MGAT4C: variants seen among roughly 807,000 people sequenced by gnomAD.
The protein encoded by MGAT4C is MGAT4 family member C, also known as alpha-1,3-mannosyl-glycoprotein 4-beta-N-acetylglucosaminyltransferase C.
In MGAT4C, 19 loss-of-function variants were observed where a neutral mutation model predicts 40.1. The observed-to-expected ratio is 0.47, with a 90% CI of 0.33 to 0.70. The LOEUF is 0.70. Ranked by LOEUF, MGAT4C falls within the 30% of genes least tolerant of loss-of-function variation. The pLI is 0.02. For synonymous variants in MGAT4C, 181 were observed against 187.1 expected, an observed-to-expected ratio of 0.97 and a Z score of 0.27; for missense variants, 491 against 563.2, an observed-to-expected ratio of 0.87 and a Z score of 1.30.
chr12:86,363,952 TCA>T (rs1955536527), intron 3 of MGAT4C, among the ~76,000 whole-genome samples: 4 of 113,858 alleles, frequency 3.5e-5, no homozygotes, highest in Admixed American at 1.0e-4. Flanking sequence ...AATCTCTTTC[TCA>T]CTCTCTCTCT....
At chr12:86,686,695 A>G (rs1488928737) in intron 2 of MGAT4C, among the ~76,000 whole-genome samples, 2 of 152,208 alleles carry the variant, frequency 1.3e-5, no homozygotes, top group Non-Finnish European at 2.9e-5. Flanking sequence ...CAACTTGATC[A>G]TGGTGGATAA....
chr12:86,430,207 C>A (rs1008347862), intron 3 of MGAT4C, among the ~76,000 whole-genome samples: 2 of 152,230 alleles, frequency 1.3e-5, no homozygotes, highest in African/African-American at 2.4e-5. Context: ...GTACTCCATG[C>A]AACATCTTTT....
At chr12:86,807,534 A>T (rs1331875111) in intron 1 of MGAT4C, among the ~76,000 whole-genome samples, 3 of 152,094 alleles carry the variant, frequency 2.0e-5, no homozygotes, top group Non-Finnish European at 4.4e-5. Context: ...ACTGATGGAC[A>T]TTTGGATGGA....
intron 1 of MGAT4C, among the ~76,000 whole-genome samples, chr12:86,103,457 G>A (rs1202351291): frequency 6.6e-6 from 1 of 152,102 alleles, no homozygotes; most frequent in Non-Finnish European, 1.5e-5. Flanking sequence ...GGTGCAACAA[G>A]TCAAGAAATG....
intron 1 of MGAT4C, among the ~76,000 whole-genome samples, chr12:86,196,351 A>G (rs1198281884): frequency 6.6e-6 from 1 of 152,194 alleles, no homozygotes; most frequent in East Asian, 1.9e-4. Context: ...CCACTGGGGT[A>G]ATAGCGTCAC....
At chr12:86,177,748 C>T (rs544512816) in intron 1 of MGAT4C, among the ~76,000 whole-genome samples, 3 of 151,990 alleles carry the variant, frequency 2.0e-5, no homozygotes, top group Non-Finnish European at 2.9e-5. Context: ...AATATATTTT[C>T]GATTATATCC....
At chr12:86,829,552 T>C (rs1952877588) in intron 1 of MGAT4C, among the ~76,000 whole-genome samples, 1 of 151,620 alleles carries the variant, frequency 6.6e-6, no homozygotes, top group Non-Finnish European at 1.5e-5. Context: ...GAGTATTCTA[T>C]ATTTTTTGTT....
intron 3 of MGAT4C, among the ~76,000 whole-genome samples, chr12:86,364,056 G>A (rs1013844767): frequency 1.3e-5 from 2 of 151,620 alleles, no homozygotes; most frequent in Non-Finnish European, 2.9e-5. Context: ...AAAACCAATT[G>A]AGTTGGTAGT....
intron 1 of MGAT4C, among the ~76,000 whole-genome samples, chr12:86,168,825 T>G (rs1292254280): frequency 6.6e-6 from 1 of 152,066 alleles, no homozygotes. Context: ...ATTTTTATAT[T>G]TGCTTCAGAA....
chr12:86,810,881 T>C, intron 1 of MGAT4C, among the ~76,000 whole-genome samples: 1 of 152,046 alleles, frequency 6.6e-6, no homozygotes, highest in East Asian at 1.9e-4. Context: ...GAATATTCCC[T>C]CTTCTAAAAT....
chr12:86,088,951 AT>A (rs1206859810), intron 1 of MGAT4C, among the ~76,000 whole-genome samples: 1 of 152,066 alleles, frequency 6.6e-6, no homozygotes, highest in East Asian at 1.9e-4. Context: ...TCTTCTTCTT[AT>A]TTCATCGAGG....
chr12:86,077,647 G>GT (rs1565949247), intron 1 of MGAT4C, among the ~76,000 whole-genome samples: 2 of 152,148 alleles, frequency 1.3e-5, no homozygotes, highest in South Asian at 2.1e-4. Flanking sequence ...GCAGGTCATA[G>GT]TTTTTTCCTG....
intron 1 of MGAT4C, among the ~76,000 whole-genome samples, chr12:86,241,947 A>C (rs1951806458): frequency 6.6e-6 from 1 of 152,044 alleles, no homozygotes; most frequent in Non-Finnish European, 1.5e-5. Flanking sequence ...ATCTGAGACT[A>C]GGGGAGGGGG....
chr12:86,472,564 T>A (rs992977677), intron 2 of MGAT4C, among the ~76,000 whole-genome samples: 13 of 152,156 alleles, frequency 8.5e-5, no homozygotes, highest in Non-Finnish European at 1.6e-4. Context: ...CTATATATAT[T>A]ATTGTTGTGT....
intron 2 of MGAT4C, among the ~76,000 whole-genome samples, chr12:86,555,528 G>A (rs376292426): frequency 5.6e-4 from 85 of 152,110 alleles, no homozygotes; most frequent in African/African-American, 1.9e-3. Context: ...CTACCCTGAC[G>A]CACCATAATC....
intron 1 of MGAT4C, among the ~76,000 whole-genome samples, chr12:86,232,034 C>T (rs1404022014): frequency 1.3e-5 from 2 of 151,672 alleles, no homozygotes; most frequent in Non-Finnish European, 2.9e-5. Flanking sequence ...CCCAGCTACT[C>T]AGAAGGCTGA....
rs1177545207 is a variant in MGAT4C at position 85,972,892 on chromosome 12, A to G, written c.*6397T>C. On this transcript the variant is annotated 3_prime_UTR_variant, in exon 5 of 5. Transcript: ENST00000611864. ...GGGAAAATTTTATCAATTATTAAAG[A>G]TGGAAAAAATAGGACTATGTCAAAT... is the stretch of plus-strand genomic sequence containing the variant. 6.6e-6 allele frequency: 1 copy of G among 150,966 alleles called. No homozygotes were observed. Among genetic ancestry groups the G allele is most frequent in the Non-Finnish European group, 1.5e-5 (1 of 67,142 alleles). 9.4% of individuals were successfully genotyped at this position (150,966 alleles called of 1,614,324 possible). A position where few individuals can be genotyped will look rare whatever the true frequency, so the allele number is the denominator to read the frequency against.
At chr12:85,986,563 A>G (rs1885221528) in intron 3 of MGAT4C, among the ~76,000 whole-genome samples, 1 of 152,200 alleles carries the variant, frequency 6.6e-6, no homozygotes, top group Non-Finnish European at 1.5e-5. Context: ...TGGATTTTCT[A>G]ACAAAAAGAC....
intron 2 of MGAT4C, among the ~76,000 whole-genome samples, chr12:86,034,803 C>A (rs1455789513): frequency 6.7e-6 from 1 of 149,532 alleles, no homozygotes; most frequent in Non-Finnish European, 1.5e-5. Flanking sequence ...TTGTTCAACT[C>A]CCACTTATGT....
Sources: allele counts gnomAD v4.1 joint callset (sites outside exome capture counted in the v4.1 genomes callset), GRCh38; gene constraint gnomAD v4.1.1; transcripts MANE v1.5; gene names NCBI Gene and HGNC (gene_info 2026-07-23, HGNC 2026-07-21).